Variants in KCNIP4 observed in about 807,000 individuals in gnomAD.
KCNIP4 encodes Kv channel-interacting protein 4.
KCNIP4 carries 12 observed loss-of-function variants against 34.0 expected under a neutral mutation model. The observed-to-expected ratio is 0.35, with a 90% CI of 0.23 to 0.57. KCNIP4 has a LOEUF of 0.57. Ranked by LOEUF, KCNIP4 falls within the 20% of genes least tolerant of loss-of-function variation. KCNIP4 has a pLI of 0.83. For synonymous variants in KCNIP4, 124 were observed against 102.2 expected (o/e 1.21, Z -1.29); for missense variants, 238 against 311.7 (o/e 0.76, Z 1.78).
chr4:21,057,858 A>C (rs957222617), intron 1 of KCNIP4, among the ~76,000 whole-genome samples: 1 of 152,228 alleles, frequency 6.6e-6, no homozygotes, highest in Non-Finnish European at 1.5e-5. Context: ...TGAGGTTCTC[A>C]TTGTTATAGC....
intron 1 of KCNIP4, among the ~76,000 whole-genome samples, chr4:20,906,452 C>T (rs1438976325): frequency 6.6e-6 from 1 of 152,172 alleles, no homozygotes; most frequent in Non-Finnish European, 1.5e-5. Context: ...AGCCCACAGT[C>T]CTTCACTAAT....
Position 21,747,065 on chromosome 4 carries a change from A to G in KCNIP4, c.61+201506T>C, listed in dbSNP as rs191413783. Among the ~76,000 whole-genome samples the G allele has an allele frequency of 5.9e-5, 9 of 152,324 alleles. 1 individual carries two copies. In the East Asian group the frequency reaches 9.6e-4, roughly 16 times the overall value. ...CCAAAATTTAGTTTCAATTCTATTA[A>G]GCGTAGCTCAACAGGTCAGCTTCTT... On this transcript the variant is annotated intron_variant, in intron 1 of 8. Coordinates refer to ENST00000382152, the MANE Select transcript of KCNIP4 (RefSeq NM_025221.6).
intron 1 of KCNIP4, among the ~76,000 whole-genome samples, chr4:21,293,521 A>C (rs140325522): frequency 8.1e-4 from 124 of 152,250 alleles, no homozygotes; most frequent in African/African-American, 2.9e-3. Flanking sequence ...TCCCATCCTA[A>C]TTGTGTCAGG....
chr4:21,510,125 T>TAAAATTGC (rs1734190592), intron 1 of KCNIP4, among the ~76,000 whole-genome samples: 1 of 150,700 alleles, frequency 6.6e-6, no homozygotes, highest in African/African-American at 2.4e-5. Flanking sequence ...TCATATCATG[T>TAAAATTGC]AAAATTGCAG....
At chr4:21,141,595 G>A (rs181151114) in intron 1 of KCNIP4, among the ~76,000 whole-genome samples, 5 of 152,260 alleles carry the variant, frequency 3.3e-5, no homozygotes, top group African/African-American at 1.2e-4. Flanking sequence ...AACATGTAGA[G>A]TCTACTGTGT....
At chr4:20,890,360 G>C (rs1434934864) in intron 1 of KCNIP4, among the ~76,000 whole-genome samples, 2 of 151,998 alleles carry the variant, frequency 1.3e-5, no homozygotes, top group Non-Finnish European at 2.9e-5. Context: ...AAATAGGACG[G>C]GGAAAGACAT....
At chr4:21,378,946 C>T (rs1192369113) in intron 1 of KCNIP4, among the ~76,000 whole-genome samples, 1 of 152,062 alleles carries the variant, frequency 6.6e-6, no homozygotes, top group African/African-American at 2.4e-5. Flanking sequence ...GACCAAGTCC[C>T]TCCTTCTTCC....
intron 1 of KCNIP4, among the ~76,000 whole-genome samples, chr4:21,286,124 A>C (rs1763106582): frequency 6.6e-6 from 1 of 152,166 alleles, no homozygotes; most frequent in African/African-American, 2.4e-5. Context: ...TATCTTGGTT[A>C]CCGCTTTTTT....
intron 1 of KCNIP4, among the ~76,000 whole-genome samples, chr4:21,902,964 G>T (rs1727792209): frequency 6.6e-6 from 1 of 152,058 alleles, no homozygotes; most frequent in African/African-American, 2.4e-5. Context: ...CTAGGTAGCA[G>T]GAATTGGAGG....
intron 1 of KCNIP4, among the ~76,000 whole-genome samples, chr4:21,574,954 T>C (rs1183746691): frequency 2.0e-5 from 3 of 152,218 alleles, no homozygotes; most frequent in African/African-American, 7.2e-5. Flanking sequence ...TCACTTGTTA[T>C]GTAGCTTTGC....
chr4:20,962,398 G>T (rs1471511727), intron 1 of KCNIP4, among the ~76,000 whole-genome samples: 1 of 152,134 alleles, frequency 6.6e-6, no homozygotes, highest in Non-Finnish European at 1.5e-5. Flanking sequence ...CTCCCACCTG[G>T]CTTCCATCAT....
chr4:21,556,931 A>AAAAAAAAAAAAAAAAAAAC lies in KCNIP4; in HGVS notation c.61+391639_61+391640insGTTTTTTTTTTTTTTTTTT, dbSNP rs1560514270. On this transcript the variant is annotated intron_variant, in intron 1 of 8. Coordinates refer to ENST00000382152, the MANE Select transcript of KCNIP4 (RefSeq NM_025221.6). The stretch of plus-strand genomic sequence containing the variant: ...GCAAGACTCCATCTCAGAAAAAAAA[A>AAAAAAAAAAAAAAAAAAAC]AAAAAAAAAAAACCAGAAAACAAAA... Among the ~76,000 whole-genome samples the AAAAAAAAAAAAAAAAAAAC allele has an allele frequency of 9.7e-5, 13 of 134,284 alleles. 1 individual carries two copies. The highest frequency in any genetic ancestry group is 2.2e-4 in the African/African-American group (8 of 36,066). 88.1% of individuals were successfully genotyped at this position (134,284 alleles called of 152,430 possible).
At chr4:21,414,139 GA>G (rs912569513) in intron 1 of KCNIP4, among the ~76,000 whole-genome samples, 17 of 150,820 alleles carry the variant, frequency 1.1e-4, no homozygotes, top group East Asian at 2.0e-4. Context: ...TATGTTCTAT[GA>G]AAAAAAAAGC....
At chr4:21,451,045 G>A (rs1219344567) in intron 1 of KCNIP4, among the ~76,000 whole-genome samples, 3 of 152,100 alleles carry the variant, frequency 2.0e-5, no homozygotes, top group South Asian at 2.1e-4. Context: ...AATAGTGAAT[G>A]TGCAATAGGA....
At chr4:21,887,447 A>G (rs1726845661) in intron 1 of KCNIP4, among the ~76,000 whole-genome samples, 1 of 152,086 alleles carries the variant, frequency 6.6e-6, no homozygotes. Context: ...TAAAGGCCTT[A>G]CTTCAAACCA....
intron 1 of KCNIP4, among the ~76,000 whole-genome samples, chr4:21,620,836 C>T (rs1015006246): frequency 1.3e-5 from 2 of 152,112 alleles, no homozygotes; most frequent in Non-Finnish European, 2.9e-5. Flanking sequence ...CATCCAGTCC[C>T]GAGTTTTGCT....
intron 2 of KCNIP4, among the ~76,000 whole-genome samples, chr4:20,853,082 T>A (rs1577254178): frequency 6.6e-6 from 1 of 152,124 alleles, no homozygotes; most frequent in East Asian, 1.9e-4. Flanking sequence ...AAATTCAACA[T>A]AATCCCCACA....
chr4:20,826,833 C>T (rs759951554), intron 3 of KCNIP4, among the ~76,000 whole-genome samples: 4 of 152,072 alleles, frequency 2.6e-5, no homozygotes, highest in Admixed American at 2.6e-4. Flanking sequence ...ATCAATATTC[C>T]CCCTGAGATA....
chr4:21,089,110 C>T (rs988213718), intron 1 of KCNIP4, among the ~76,000 whole-genome samples: 8 of 152,088 alleles, frequency 5.3e-5, no homozygotes, highest in African/African-American at 1.7e-4. Context: ...TTACCATATC[C>T]CCTTTGTATG....
Sources: gnomAD v4.1 joint callset for allele counts (sites outside exome capture counted in the v4.1 genomes callset) on GRCh38, gnomAD v4.1.1 for gene constraint, MANE v1.5 for transcripts, NCBI Gene and HGNC (gene_info 2026-07-23, HGNC 2026-07-21) for gene names.